VANGL2: variants seen among roughly 807,000 people sequenced by gnomAD.
VANGL2 encodes the protein VANGL planar cell polarity protein 2.
In VANGL2, 14 loss-of-function variants were observed where a neutral mutation model predicts 50.2. The observed-to-expected ratio is 0.28, with a 90% CI of 0.18 to 0.44. The LOEUF is 0.44. Ranked by LOEUF, VANGL2 falls within the 20% of genes least tolerant of loss-of-function variation. The pLI, the probability that VANGL2 is intolerant of heterozygous loss-of-function variation, is 1.00. For missense variants in VANGL2, 533 were observed against 701.5 expected (o/e 0.76, Z 2.71); for synonymous variants, 295 against 297.2 (o/e 0.99, Z 0.08).
intron 4 of VANGL2, among the ~76,000 whole-genome samples, chr1:160,420,200 T>C (rs575698937): frequency 6.6e-6 from 1 of 152,176 alleles, no homozygotes; most frequent in African/African-American, 2.4e-5. Flanking sequence ...TGCTAGGCTT[T>C]GGCATGGTGG....
intron 3 of VANGL2, 134 bp downstream of exon 3, chr1:160,416,316 G>C: frequency 6.8e-7 from 1 of 1,470,790 alleles, no homozygotes; most frequent in South Asian, 1.2e-5. Flanking sequence ...TGTGTTTTGT[G>C]TTACACTTAG....
At position 160,419,087 on chromosome 1, in the gene VANGL2, A is replaced by G; in HGVS notation, c.278A>G (p.Lys93Arg). The change falls in exon 4 of 8, where the codon AAG becomes AGG. Residue 93 changes from lysine to arginine, a missense_variant. By Grantham distance (26) the Lys-to-Arg change is conservative (BLOSUM62 2). Coordinates refer to ENST00000368061, the MANE Select transcript of VANGL2 (RefSeq NM_020335.3). The surrounding 1 kb of genome is among the most constrained non-coding windows in gnomAD (Gnocchi z 5.8). ...CATGATGACCTCACACGCATCGCCA[A>G]GGACATGGAGGACAGTGTCCCTCTG... Reference protein sequence around the residue: ...ISHDDLTRIAKDMEDSVPLDC... With the variant: ...ISHDDLTRIARDMEDSVPLDC... 1.2e-6 allele frequency: 2 copies of G among 1,614,096 alleles called. No homozygotes were observed. The highest frequency in any genetic ancestry group is 2.2e-5 in the South Asian group (2 of 91,086).
At chr1:160,421,025 C>T in intron 5 of VANGL2, 27 bp from the exon 6 acceptor site, 1 of 1,613,880 alleles carries the variant, frequency 6.2e-7, no homozygotes, top group Non-Finnish European at 8.5e-7. Context: ...CTGATGTGAC[C>T]ATCTCCTCTA....
chr1:160,407,961 C>T (rs928738353), intron 1 of VANGL2, among the ~76,000 whole-genome samples: 7 of 152,222 alleles, frequency 4.6e-5, no homozygotes, highest in African/African-American at 7.2e-5. Flanking sequence ...CCCGTCTTCC[C>T]GCCGGCCCCC....
At position 160,426,030 on chromosome 1, in the gene VANGL2, T is replaced by A. The variant is rs1440172873; in HGVS notation, c.*652T>A. 5 of 152,218 alleles carry A rather than the reference T, an allele frequency of 3.3e-5. No individual in the cohort carries two copies. The highest frequency in any genetic ancestry group is 2.0e-4 in the Admixed American group (3 of 15,276). 9.4% of individuals were successfully genotyped at this position (152,218 alleles called of 1,614,324 possible). A position where few individuals can be genotyped will look rare whatever the true frequency, so the allele number is the denominator to read the frequency against. On this transcript the variant is annotated 3_prime_UTR_variant, in exon 8 of 8. Coordinates refer to ENST00000368061, the MANE Select transcript of VANGL2 (RefSeq NM_020335.3). ...CCTTTTCCCAGAAATCTCCACCTAA[T>A]GTTTTTGGTTTGTATGGTCACGTGA...
At chr1:160,403,269 T>G (rs1650544274) in intron 1 of VANGL2, among the ~76,000 whole-genome samples, 1 of 152,140 alleles carries the variant, frequency 6.6e-6, no homozygotes, top group African/African-American at 2.4e-5. Context: ...GGTCCCTTGT[T>G]TGCTCTGTAT....
intron 3 of VANGL2, 74 bp downstream of exon 3, chr1:160,416,256 G>T: frequency 6.2e-7 from 1 of 1,609,872 alleles, no homozygotes; most frequent in East Asian, 2.2e-5. Context: ...GCTCCACGGA[G>T]TGGGGGAGGG....
chr1:160,410,942 TAGGCAAC>T (rs1035347686), intron 1 of VANGL2, among the ~76,000 whole-genome samples: 1 of 151,906 alleles, frequency 6.6e-6, no homozygotes, highest in African/African-American at 2.4e-5. Flanking sequence ...TGCCATCACC[TAGGCAAC>T]AGGGGGCTTT....
intron 1 of VANGL2, among the ~76,000 whole-genome samples, chr1:160,402,134 G>A (rs1052233399): frequency 1.3e-5 from 2 of 152,122 alleles, no homozygotes; most frequent in African/African-American, 4.8e-5. Context: ...GTTTTTGGGG[G>A]ATGGGTTTTT....
intron 1 of VANGL2, among the ~76,000 whole-genome samples, chr1:160,413,594 A>G (rs1298601047): frequency 6.6e-6 from 1 of 152,144 alleles, no homozygotes; most frequent in Non-Finnish European, 1.5e-5. Flanking sequence ...TCTCAGCAGC[A>G]TTTGACCTGG....
chr1:160,417,814 GC>G, intron 3 of VANGL2, among the ~76,000 whole-genome samples: 2 of 152,240 alleles, frequency 1.3e-5, no homozygotes, highest in Middle Eastern at 6.8e-3. Flanking sequence ...GCCCTTGGGT[GC>G]CTCAGTTCAT....
Position 160,425,598 on chromosome 1 carries a change from A to C in VANGL2, c.*220A>C. 1.8e-6 allele frequency: 1 copy of C among 557,798 alleles called. No homozygotes were observed. The highest frequency in any genetic ancestry group is 3.2e-6 in the Non-Finnish European group (1 of 317,068). 34.6% of individuals were successfully genotyped at this position (557,798 alleles called of 1,614,324 possible). A position where few individuals can be genotyped will look rare whatever the true frequency, so the allele number is the denominator to read the frequency against. On this transcript the variant is annotated 3_prime_UTR_variant, in exon 8 of 8. Coordinates refer to ENST00000368061, the MANE Select transcript of VANGL2 (RefSeq NM_020335.3). ...CTGCTGTCAACAGTACCTGGGAAGG[A>C]CTCCCACCTCACCAACAACTTTTGT...
At chr1:160,418,544 G>A (rs1202038809) in intron 3 of VANGL2, among the ~76,000 whole-genome samples, 2 of 151,810 alleles carry the variant, frequency 1.3e-5, no homozygotes, top group Non-Finnish European at 2.9e-5. Context: ...TCTAATGTGT[G>A]CATCTGGGAT....
At position 160,420,407 on chromosome 1, in the gene VANGL2, A is replaced by G; in HGVS notation, c.801-4A>G. On this transcript the variant is annotated splice_region_variant and splice_polypyrimidine_tract_variant and intron_variant, in intron 4 of 7. Coordinates refer to ENST00000368061, the MANE Select transcript of VANGL2 (RefSeq NM_020335.3). ...CCCACCCCCTCCTGCCGTCTCCCCCACAGCATCCAGCGCGTGGCAGTGTGG... is the reference window on the plus strand; with the variant it reads ...CCCACCCCCTCCTGCCGTCTCCCCCGCAGCATCCAGCGCGTGGCAGTGTGG... The G allele has an allele frequency of 2.5e-6, 4 of 1,611,182 alleles. No homozygotes were observed. Among genetic ancestry groups the G allele is most frequent in the Non-Finnish European group, 3.4e-6 (4 of 1,179,242 alleles).
chr1:160,423,172 C>T (rs764009567), intron 6 of VANGL2, among the ~76,000 whole-genome samples: 2 of 152,190 alleles, frequency 1.3e-5, no homozygotes, highest in Non-Finnish European at 1.5e-5. Context: ...TCCCAAAGTG[C>T]TGGGATTATA....
chr1:160,421,319 C>A (rs1444790163), intron 6 of VANGL2, 132 bp downstream of exon 6: 9 of 1,193,682 alleles, frequency 7.5e-6, no homozygotes, highest in Non-Finnish European at 1.1e-5. Context: ...GCTTGTTTTC[C>A]GTTGCTGCCC....
At chr1:160,408,967 G>A (rs1650783632) in intron 1 of VANGL2, among the ~76,000 whole-genome samples, 1 of 152,244 alleles carries the variant, frequency 6.6e-6, no homozygotes, top group Non-Finnish European at 1.5e-5. Context: ...GGCTGGATGG[G>A]GATGAAGGAA....
chr1:160,420,608 G>A (rs1212150848), intron 5 of VANGL2, 61 bp downstream of exon 5: 25 of 1,612,300 alleles, frequency 1.6e-5, no homozygotes, highest in East Asian at 2.2e-5. Flanking sequence ...CCAAGTTCCC[G>A]CCTCTCTTTT....
intron 1 of VANGL2, among the ~76,000 whole-genome samples, chr1:160,404,754 C>T (rs1191088191): frequency 2.0e-5 from 3 of 152,116 alleles, no homozygotes; most frequent in African/African-American, 7.2e-5. Flanking sequence ...TACTTCATTC[C>T]CTTTTATAGC....
Sources: allele counts gnomAD v4.1 joint callset (sites outside exome capture counted in the v4.1 genomes callset), GRCh38; gene constraint gnomAD v4.1.1; non-coding constraint Gnocchi (gnomAD v3.1); transcripts MANE v1.5; gene names NCBI Gene and HGNC (gene_info 2026-07-23, HGNC 2026-07-21).